The following MYO5B variants were observed in gnomAD, a reference collection of about 807,000 sequenced individuals.
MYO5B encodes the protein myosin VB, also known as unconventional myosin-Vb.
In MYO5B, 143 loss-of-function variants were observed where a neutral mutation model predicts 229.3. The observed-to-expected ratio is 0.62, with a 90% CI of 0.54 to 0.72. The LOEUF is 0.72. MYO5B is among the 30% of genes least tolerant of loss of function. The probability of loss-of-function intolerance (pLI) is 0.00; values close to 1 mark genes in which losing one functional copy is unlikely to be tolerated. For missense variants in MYO5B, 2,321 were observed against 2,331.0 expected, an observed-to-expected ratio of 1.00 and a Z score of 0.09; for synonymous variants, 918 against 885.2, an observed-to-expected ratio of 1.04 and a Z score of -0.66.
chr18:50,030,982 C>T (rs2026382584), intron 4 of MYO5B, among the ~76,000 whole-genome samples: 1 of 149,810 alleles, frequency 6.7e-6, no homozygotes, highest in African/African-American at 2.5e-5. Flanking sequence ...ATGGCACACT[C>T]CCACCAACAA....
intron 1 of MYO5B, among the ~76,000 whole-genome samples, chr18:50,108,927 A>T (rs1189948969): frequency 2.6e-5 from 4 of 152,210 alleles, no homozygotes; most frequent in Non-Finnish European, 4.4e-5. Flanking sequence ...CACAAAATAC[A>T]GTTCACCTGG....
intron 1 of MYO5B, among the ~76,000 whole-genome samples, chr18:50,138,096 A>G (rs568162929): frequency 2.0e-4 from 30 of 152,302 alleles, no homozygotes; most frequent in African/African-American, 7.0e-4. Flanking sequence ...GTTTACCTTC[A>G]CATTTACCCC....
intron 4 of MYO5B, among the ~76,000 whole-genome samples, chr18:50,013,208 C>G (rs149054127): frequency 3.9e-5 from 6 of 152,282 alleles, no homozygotes; most frequent in African/African-American, 1.4e-4. Flanking sequence ...ATTAGGCTGG[C>G]AGGAAAACTT....
chr18:49,873,672 A>G (rs755036781), intron 26 of MYO5B, among the ~76,000 whole-genome samples: 1 of 152,206 alleles, frequency 6.6e-6, no homozygotes, highest in Non-Finnish European at 1.5e-5. Flanking sequence ...TATTGAGTAC[A>G]TTACATTCTC....
At chr18:50,151,665 T>TAC (rs1483871065) in intron 1 of MYO5B, among the ~76,000 whole-genome samples, 1 of 152,172 alleles carries the variant, frequency 6.6e-6, no homozygotes, top group African/African-American at 2.4e-5. Context: ...AGTATATATA[T>TAC]ACACTAGTTT....
At position 49,937,324 on chromosome 18, in the gene MYO5B, G is replaced by C. The variant is rs1416947630; in HGVS notation, c.1826C>G (p.Ser609Cys). ...GGCAGAACGGACGCTGATCTTCGAAGATGACCCCTTCCCAGGGGTGGTGGC... is the reference window on the plus strand; with the variant it reads ...GGCAGAACGGACGCTGATCTTCGAACATGACCCCTTCCCAGGGGTGGTGGC... Reference protein sequence around the residue: ...VPATTPGKGSSSKISVRSARP... With the variant: ...VPATTPGKGSCSKISVRSARP... The change falls in exon 15 of 40, where the codon TCT (serine) becomes TGT (cysteine). Residue 609 changes from serine (S) to cysteine (C), a missense_variant. This residue lies in a region of MYO5B where 2,113 missense variants were observed against 2,044.7 expected (regional missense o/e 1.03). Coordinates refer to ENST00000285039, the MANE Select transcript of MYO5B (RefSeq NM_001080467.3). The C allele has an allele frequency of 1.2e-6, 2 of 1,614,000 alleles. No individual in the cohort carries two copies. Among genetic ancestry groups the C allele is most frequent in the Admixed American group, 3.3e-5 (2 of 60,002 alleles).
At chr18:50,118,038 C>T (rs932962805) in intron 1 of MYO5B, among the ~76,000 whole-genome samples, 1 of 152,162 alleles carries the variant, frequency 6.6e-6, no homozygotes, top group South Asian at 2.1e-4. Flanking sequence ...ACATTACCAC[C>T]GGCCTGATGA....
chr18:50,085,135 G>A (rs1051266234), intron 1 of MYO5B, among the ~76,000 whole-genome samples: 8 of 152,096 alleles, frequency 5.3e-5, no homozygotes, highest in Admixed American at 2.0e-4. Context: ...GCAACCTACA[G>A]AATGGGAGAA....
chr18:49,970,138 G>A (rs2144273387), intron 10 of MYO5B, among the ~76,000 whole-genome samples: 1 of 152,356 alleles, frequency 6.6e-6, no homozygotes, highest in South Asian at 2.1e-4. Context: ...AGAGGCAAAT[G>A]CAGGTTAATG....
At chr18:49,859,078 C>T (rs1055382603) in intron 29 of MYO5B, among the ~76,000 whole-genome samples, 3 of 152,220 alleles carry the variant, frequency 2.0e-5, no homozygotes, top group Non-Finnish European at 4.4e-5. Context: ...AGTCTCCAGC[C>T]ACAGGGGGCA....
chr18:50,044,336 T>C (rs2030160305), intron 2 of MYO5B, among the ~76,000 whole-genome samples: 1 of 152,174 alleles, frequency 6.6e-6, no homozygotes, highest in Non-Finnish European at 1.5e-5. Flanking sequence ...AATATGGTTT[T>C]ATTTGACATC....
chr18:50,108,202 C>T (rs1307460068), intron 1 of MYO5B, among the ~76,000 whole-genome samples: 1 of 152,176 alleles, frequency 6.6e-6, no homozygotes, highest in East Asian at 1.9e-4. Flanking sequence ...GCCATCATGC[C>T]CAGCCCATTA....
At chr18:49,835,657 C>T (rs951485648) in intron 38 of MYO5B, among the ~76,000 whole-genome samples, 1 of 152,150 alleles carries the variant, frequency 6.6e-6, no homozygotes, top group Non-Finnish European at 1.5e-5. Context: ...CTCCTGTAAA[C>T]CCACCTGCCC....
intron 3 of MYO5B, among the ~76,000 whole-genome samples, chr18:50,039,013 T>C (rs1023430710): frequency 2.0e-5 from 3 of 152,092 alleles, no homozygotes; most frequent in Non-Finnish European, 4.4e-5. Flanking sequence ...CACCCTAACT[T>C]AGCAGCTAAA....
chr18:49,853,153 T>C (rs745605956), intron 31 of MYO5B, among the ~76,000 whole-genome samples: 6 of 152,236 alleles, frequency 3.9e-5, no homozygotes, highest in Admixed American at 6.5e-5. Context: ...TCGCTGTTCC[T>C]GCTTTCATCC....
intron 13 of MYO5B, among the ~76,000 whole-genome samples, chr18:49,954,024 A>ATG (rs766610907): frequency 0.076 from 3,872 of 50,952 alleles, 88 homozygotes; most frequent in Non-Finnish European, 0.11. Context: ...ATGTATTTAT[A>ATG]TGTGTGTGTG....
At chr18:50,042,119 G>A (rs1467907486) in intron 2 of MYO5B, among the ~76,000 whole-genome samples, 2 of 152,166 alleles carry the variant, frequency 1.3e-5, no homozygotes, top group African/African-American at 4.8e-5. Flanking sequence ...GGACAGATTG[G>A]TTTATCTCTG....
intron 1 of MYO5B, among the ~76,000 whole-genome samples, chr18:50,100,822 C>T (rs1465640135): frequency 6.6e-6 from 1 of 152,186 alleles, no homozygotes. Context: ...CATGGCAAGA[C>T]CCCTAGATGC....
intron 32 of MYO5B, among the ~76,000 whole-genome samples, chr18:49,847,558 G>A (rs2024146057): frequency 6.6e-6 from 1 of 152,220 alleles, no homozygotes; most frequent in African/African-American, 2.4e-5. Context: ...TAGGGGAGAG[G>A]AAACATCCGA....
Sources: allele counts gnomAD v4.1 joint callset (sites outside exome capture counted in the v4.1 genomes callset), GRCh38; gene constraint gnomAD v4.1.1; regional missense constraint gnomAD v4.1.1; transcripts MANE v1.5; gene names NCBI Gene and HGNC (gene_info 2026-07-23, HGNC 2026-07-21).